Variants in COL22A1 observed in about 807,000 individuals in gnomAD.
COL22A1 encodes collagen type XXII alpha 1 chain.
Under a neutral mutation model 248.9 loss-of-function variants are expected in COL22A1, and 221 were observed. The ratio of observed to expected loss-of-function variants is 0.89; its 90% CI spans 0.80 to 0.99. The LOEUF is 0.99. COL22A1 is among the 50% of genes least tolerant of loss of function. COL22A1 has a pLI of 0.00. For synonymous variants in COL22A1, 891 were observed against 793.4 expected, an observed-to-expected ratio of 1.12 and a Z score of -2.07; for missense variants, 2,240 against 2,179.0, an observed-to-expected ratio of 1.03 and a Z score of -0.56.
intron 27 of COL22A1, among the ~76,000 whole-genome samples, chr8:138,718,645 C>T (rs983198886): frequency 6.6e-6 from 1 of 152,154 alleles, no homozygotes; most frequent in Admixed American, 6.5e-5. Flanking sequence ...TCAGTTGATG[C>T]TTTGTCAAAA....
intron 5 of COL22A1, among the ~76,000 whole-genome samples, chr8:138,827,000 C>T (rs1466906581): frequency 1.3e-5 from 2 of 152,180 alleles, no homozygotes; most frequent in Non-Finnish European, 2.9e-5. Context: ...CCAACATCAG[C>T]ACCTTCAAAT....
Position 138,697,726 on chromosome 8 carries a change from TCTCCCCAGC to T in COL22A1, c.2592+2377_2592+2385del, listed in dbSNP as rs561303260. On this transcript the variant is annotated intron_variant, in intron 32 of 64. Coordinates refer to ENST00000303045, the MANE Select transcript of COL22A1 (RefSeq NM_152888.3). ...ACCTTAACACCCCTCTAAATTGCTC[TCTCCCCAGC>T]CTCTTCCTGCACTGCAGGGGCTCAA... 1.1e-4 allele frequency among the ~76,000 whole-genome samples: 16 copies of T among 152,240 alleles called. No homozygotes were observed. In the South Asian group the frequency reaches 3.3e-3, roughly 32 times the overall value.
chr8:138,762,610 A>ACACACACAC, intron 16 of COL22A1, 144 bp from the exon 17 acceptor site: 3 of 558,030 alleles, frequency 5.4e-6, no homozygotes, highest in Non-Finnish European at 9.3e-6. Flanking sequence ...ACACACACAC[A>ACACACACAC]ACAGCCCTAG....
At chr8:138,852,982 C>CA (rs1019994548) in intron 3 of COL22A1, among the ~76,000 whole-genome samples, 10,070 of 138,306 alleles carry the variant, frequency 0.073, 367 homozygotes, top group African/African-American at 0.12. Flanking sequence ...ATATCTACTA[C>CA]AAAAAAAAAA....
chr8:138,859,225 C>T (rs12114311), intron 3 of COL22A1, among the ~76,000 whole-genome samples: 81,948 of 152,102 alleles, frequency 0.54, 22,901 homozygotes, highest in East Asian at 0.72. Flanking sequence ...CTCACACAGT[C>T]GTGACCCCAA....
intron 1 of COL22A1, among the ~76,000 whole-genome samples, chr8:138,910,581 A>C (rs1388394241): frequency 2.0e-5 from 3 of 152,044 alleles, no homozygotes; most frequent in East Asian, 1.9e-4. Flanking sequence ...TCGAGTTTGC[A>C]GTTATCTTTA....
At chr8:138,713,271 C>T (rs1319854327) in intron 30 of COL22A1, among the ~76,000 whole-genome samples, 1 of 151,958 alleles carries the variant, frequency 6.6e-6, no homozygotes, top group Non-Finnish European at 1.5e-5. Flanking sequence ...AGCCTGGAGT[C>T]AGCATGTGGT....
intron 15 of COL22A1, 182 bp downstream of exon 15, chr8:138,778,171 T>C (rs1814647287): frequency 7.0e-6 from 5 of 709,896 alleles, no homozygotes; most frequent in Non-Finnish European, 1.3e-5. Flanking sequence ...CTCTGGGTGA[T>C]TCTTATGGAC....
rs1441984662 is a variant in COL22A1, at chr8:138,878,050, C to T, written c.358G>A (p.Ala120Thr). The T allele has an allele frequency of 1.3e-6, 2 of 1,593,826 alleles. No homozygotes were observed. Among genetic ancestry groups the T allele is most frequent in the East Asian group, 2.3e-5 (1 of 43,972 alleles). The change falls in exon 3 of 65, where the codon GCG becomes ACG. Residue 120 changes from alanine (A) to threonine (T), a missense_variant. Ala to Thr is a moderately conservative substitution (Grantham distance 58). Coordinates refer to ENST00000303045, the MANE Select transcript of COL22A1 (RefSeq NM_152888.3). ...CTGCGGGCCGTGATGTAGCGGAGCG[C>T]GTCTCCCGTGTTGGTGTTGCCCCCG... ...YHGGNTNTGD[A>T]LRYITARSFS...
chr8:138,810,043 C>T (rs1818074520), intron 9 of COL22A1, among the ~76,000 whole-genome samples: 1 of 151,410 alleles, frequency 6.6e-6, no homozygotes, highest in Admixed American at 6.6e-5. Flanking sequence ...AATAGAAGTA[C>T]AGGGAGAAAA....
intron 17 of COL22A1, among the ~76,000 whole-genome samples, chr8:138,760,728 G>A (rs1201190319): frequency 6.6e-6 from 1 of 152,170 alleles, no homozygotes; most frequent in Non-Finnish European, 1.5e-5. Flanking sequence ...ACTCTGGCCA[G>A]GATTAGTTAG....
chr8:138,796,175 A>T (rs1359349233), intron 12 of COL22A1, among the ~76,000 whole-genome samples: 4 of 152,104 alleles, frequency 2.6e-5, no homozygotes, highest in African/African-American at 9.7e-5. Flanking sequence ...ACATCTTAAG[A>T]GTAATTTCTT....
In COL22A1 at chr8:138,685,284, C is replaced by T; in HGVS notation, c.2891G>A (p.Gly964Glu). ...AGGATCTCCCCTGGGACCAACTGGC[C>T]CTGGGCTGCCTTCTTCCCCCGCTGC... Reference protein sequence around the residue: ...KGAAGEEGSPGPVGPRGDPGA... With the variant: ...KGAAGEEGSPEPVGPRGDPGA... Residue 964 changes from glycine (G) to glutamate (E), a missense_variant, in exon 38 of 65, where the codon GGG becomes GAG. Gly to Glu is a moderately conservative substitution (Grantham distance 98). Transcript: ENST00000303045. The T allele has an allele frequency of 6.2e-7, 1 of 1,613,880 alleles. No homozygotes were observed. The highest frequency in any genetic ancestry group is 8.5e-7 in the Non-Finnish European group (1 of 1,179,926).
intron 23 of COL22A1, 88 bp downstream of exon 23, chr8:138,737,436 G>T: frequency 1.1e-6 from 1 of 926,412 alleles, no homozygotes; most frequent in Non-Finnish European, 1.8e-6. Flanking sequence ...GCAGGATTCT[G>T]GCTGCCCACC....
At chr8:138,798,028 T>C (rs1275508764) in intron 11 of COL22A1, among the ~76,000 whole-genome samples, 2 of 151,822 alleles carry the variant, frequency 1.3e-5, no homozygotes, top group Admixed American at 6.6e-5. Flanking sequence ...TTTCAACCTA[T>C]TGAAACCTAT....
chr8:138,805,795 G>GGT (rs752890777), intron 10 of COL22A1, among the ~76,000 whole-genome samples: 1 of 95,126 alleles, frequency 1.1e-5, no homozygotes, highest in Non-Finnish European at 2.1e-5. Context: ...GGTGCGTGAT[G>GGT]GTGTGTGTCT....
intron 4 of COL22A1, among the ~76,000 whole-genome samples, chr8:138,839,377 G>A (rs1361954057): frequency 1.3e-5 from 2 of 152,120 alleles, no homozygotes; most frequent in East Asian, 3.9e-4. Flanking sequence ...CCATCGGCGA[G>A]TTTGGGTTTC....
chr8:138,882,063 G>A (rs1364049945), intron 2 of COL22A1, among the ~76,000 whole-genome samples: 1 of 152,030 alleles, frequency 6.6e-6, no homozygotes, highest in Non-Finnish European at 1.5e-5. Context: ...GCTCCAGTGT[G>A]TCCATTTCCC....
At chr8:138,884,606 C>T (rs556996505) in intron 1 of COL22A1, among the ~76,000 whole-genome samples, 2 of 152,102 alleles carry the variant, frequency 1.3e-5, no homozygotes, top group Admixed American at 1.3e-4. Flanking sequence ...TTGTAAAGTA[C>T]CAATCTGATG....
Sources: allele counts gnomAD v4.1 joint callset (sites outside exome capture counted in the v4.1 genomes callset), GRCh38; gene constraint gnomAD v4.1.1; transcripts MANE v1.5; gene names NCBI Gene and HGNC (gene_info 2026-07-23, HGNC 2026-07-21).